The following TG variants were observed in gnomAD, a reference collection of about 807,000 sequenced individuals.
TG encodes the protein thyroglobulin.
A neutral mutation model predicts 324.7 loss-of-function variants in TG; 270 were observed. The observed-to-expected ratio is 0.83, with a 90% confidence interval of 0.75 to 0.92. TG has a LOEUF of 0.92. TG is among the 40% of genes least tolerant of loss of function. The pLI, the probability that TG is intolerant of heterozygous loss-of-function variation, is 0.00. For synonymous variants in TG, 1,401 were observed against 1,327.0 expected, an observed-to-expected ratio of 1.06 and a Z score of -1.21; for missense variants, 3,591 against 3,456.4, an observed-to-expected ratio of 1.04 and a Z score of -0.98.
At chr8:133,030,541 A>T (rs1293364700) in intron 41 of TG, among the ~76,000 whole-genome samples, 1 of 152,180 alleles carries the variant, frequency 6.6e-6, no homozygotes, top group African/African-American at 2.4e-5. Context: ...GTATTTACTG[A>T]TCTGTCATTG....
rs116235533 is a variant in TG at position 133,111,582 on chromosome 8, A to G, written c.7573-1840A>G. On this transcript the variant is annotated intron_variant, in intron 43 of 47. Transcript: ENST00000220616. ...TAGGTGAGTATTTTTTGAACAGACT[A>G]GACTAGACTAGGGTAGAATAGAATG... Among the ~76,000 whole-genome samples, 1,477 of 152,334 alleles carry G rather than the reference A, an allele frequency of 9.7e-3. 20 individuals are homozygous for G. Among genetic ancestry groups the G allele is most frequent in the African/African-American group, 0.034 (1,412 of 41,566 alleles).
intron 41 of TG, among the ~76,000 whole-genome samples, chr8:133,062,506 A>G (rs1842509912): frequency 6.6e-6 from 1 of 152,258 alleles, no homozygotes; most frequent in Non-Finnish European, 1.5e-5. Flanking sequence ...AGCCTTGAGG[A>G]AGTCAGGATC....
chr8:132,985,470 C>T (rs1831398834), intron 35 of TG, among the ~76,000 whole-genome samples: 1 of 152,182 alleles, frequency 6.6e-6, no homozygotes, highest in Non-Finnish European at 1.5e-5. Context: ...GGAGACTTAG[C>T]TCTCTGTCTC....
At chr8:132,943,584 C>A (rs1487708040) in intron 26 of TG, among the ~76,000 whole-genome samples, 1 of 152,170 alleles carries the variant, frequency 6.6e-6, no homozygotes, top group Non-Finnish European at 1.5e-5. Context: ...CAGCAGAAGG[C>A]AGATACATTG....
intron 27 of TG, among the ~76,000 whole-genome samples, chr8:132,957,350 A>C (rs1048490337): frequency 2.6e-5 from 4 of 152,214 alleles, no homozygotes; most frequent in African/African-American, 7.2e-5. Context: ...TGGCAGACCC[A>C]GGGCTCTGTT....
chr8:132,917,540 T>G lies in TG; in HGVS notation c.4379-1836T>G, dbSNP rs1004872389. Among the ~76,000 whole-genome samples, 4 of 151,824 alleles carry G rather than the reference T, an allele frequency of 2.6e-5. No homozygotes were observed. In the East Asian group the frequency reaches 5.8e-4, roughly 22 times the overall value. On this transcript the variant is annotated intron_variant, in intron 20 of 47. Transcript: ENST00000220616. ...TTGTACAGCTGGGGAATGGGGTGTG[T>G]GGGAAACGTGACAAGAAGTGGGGCC...
chr8:133,002,024 A>G lies in TG; in HGVS notation c.6263-9877A>G, dbSNP rs17621034. 6.2e-3 allele frequency: 6,072 copies of G among 985,444 alleles called. 21 individuals carry two copies. Among genetic ancestry groups the G allele is most frequent in the Non-Finnish European group, 6.7e-3 (5,561 of 829,938 alleles). 61.0% of individuals were successfully genotyped at this position (985,444 alleles called of 1,614,324 possible). A position where few individuals can be genotyped will look rare whatever the true frequency, so the allele number is the denominator to read the frequency against. On this transcript the variant is annotated intron_variant, in intron 35 of 47. Coordinates refer to ENST00000220616, the MANE Select transcript of TG (RefSeq NM_003235.5). ...GCCTTGGACTCACTGTTTATTTTTG[A>G]TGAGTCCTAAGAAAGTCATGTGATC... is the stretch of plus-strand genomic sequence containing the variant.
chr8:132,890,971 G>A (rs1473970533), intron 10 of TG, among the ~76,000 whole-genome samples: 2 of 152,206 alleles, frequency 1.3e-5, no homozygotes, highest in African/African-American at 4.8e-5. Flanking sequence ...AGACAGTCAG[G>A]TGAAGGATGG....
Position 132,972,740 on chromosome 8 carries a change from C to T in TG, c.6198C>T (p.Pro2066=), listed in dbSNP as rs769763604. ...ATCCCTTCGGATGGTACCAGAAGCC[C>T]AGTAAGTACCCTTCTCATGACAGCT... ...HTYPFGWYQK[P]IAQNNAPSFC... Residue 2066 remains proline, a splice_region_variant and synonymous_variant, in exon 34 of 48, where the codon CCC becomes CCT. Coordinates refer to ENST00000220616, the MANE Select transcript of TG (RefSeq NM_003235.5). 2.5e-5 allele frequency: 41 copies of T among 1,613,900 alleles called. 1 individual carries two copies. The highest frequency in any genetic ancestry group is 1.2e-4 in the Admixed American group (7 of 59,986).
At chr8:132,900,029 G>T (rs867615558) in intron 14 of TG, among the ~76,000 whole-genome samples, 36 of 152,194 alleles carry the variant, frequency 2.4e-4, no homozygotes, top group African/African-American at 8.2e-4. Context: ...TGTGGTCCAT[G>T]CCTCATGAGG....
chr8:133,096,078 G>T, intron 42 of TG, 128 bp from the exon 43 acceptor site: 1 of 1,166,882 alleles, frequency 8.6e-7, no homozygotes. Flanking sequence ...AGTTGTCCTG[G>T]TCACTTTTTC....
At chr8:132,939,663 G>A (rs201366680) in intron 25 of TG, among the ~76,000 whole-genome samples, 15 of 125,498 alleles carry the variant, frequency 1.2e-4, no homozygotes, top group South Asian at 8.3e-4. Flanking sequence ...AGTCTATGGG[G>A]TTTTTTTTTT....
chr8:132,974,801 T>TC (rs1829996489), intron 34 of TG, among the ~76,000 whole-genome samples: 1 of 152,306 alleles, frequency 6.6e-6, no homozygotes, highest in African/African-American at 2.4e-5. Flanking sequence ...CAGATGCAGC[T>TC]CCCAGGCAGT....
chr8:132,882,962 G>A lies in TG; in HGVS notation c.1038G>A (p.Met346Ile), dbSNP rs936941525. Residue 346 changes from methionine (M) to isoleucine (I), a missense_variant, in exon 8 of 48, where the codon ATG (methionine) becomes ATA (isoleucine). Met to Ile is a conservative substitution (Grantham distance 10). Transcript: ENST00000220616. The stretch of plus-strand genomic sequence containing the variant: ...GTGTGGACGCCCAGGGGAAGGAAAT[G>A]CATGGAACCCGGCAGCAAGGGGAGC... The part of the protein sequence containing the change: ...CWCVDAQGKE[M>I]HGTRQQGEPP... The A allele has an allele frequency of 5.6e-6, 9 of 1,614,124 alleles. No individual in the cohort carries two copies. Among genetic ancestry groups the A allele is most frequent in the African/African-American group, 1.3e-5 (1 of 75,060 alleles).
chr8:132,967,037 C>A (rs925473821), intron 30 of TG, among the ~76,000 whole-genome samples: 1 of 145,970 alleles, frequency 6.9e-6, no homozygotes, highest in African/African-American at 2.7e-5. Flanking sequence ...ATCCCATCCA[C>A]CCATCCATCC....
chr8:132,947,957 A>T (rs1401004779), intron 26 of TG, among the ~76,000 whole-genome samples: 1 of 152,244 alleles, frequency 6.6e-6, no homozygotes, highest in Non-Finnish European at 1.5e-5. Flanking sequence ...AAACAAAGTC[A>T]TAATTTTTGG....
intron 20 of TG, among the ~76,000 whole-genome samples, chr8:132,918,249 T>A (rs1229072015): frequency 1.3e-5 from 2 of 152,196 alleles, no homozygotes; most frequent in East Asian, 3.9e-4. Context: ...CTCTCTCATT[T>A]CTGCTAGTTG....
intron 39 of TG, among the ~76,000 whole-genome samples, chr8:133,020,348 C>T (rs1402649750): frequency 6.6e-6 from 1 of 152,220 alleles, no homozygotes; most frequent in Non-Finnish European, 1.5e-5. Context: ...AGGCCCTGCA[C>T]AGGAGGGGCC....
intron 20 of TG, among the ~76,000 whole-genome samples, chr8:132,917,711 C>T (rs919857710): frequency 1.3e-5 from 2 of 151,900 alleles, no homozygotes; most frequent in African/African-American, 4.8e-5. Flanking sequence ...AGGACATTTA[C>T]GGTTCCTCAC....
Sources: gnomAD v4.1 joint callset for allele counts (sites outside exome capture counted in the v4.1 genomes callset) on GRCh38, gnomAD v4.1.1 for gene constraint, MANE v1.5 for transcripts, NCBI Gene and HGNC (gene_info 2026-07-23, HGNC 2026-07-21) for gene names.